Variants in RNGTT observed in about 807,000 individuals in gnomAD.
RNGTT encodes the protein mRNA-capping enzyme.
Under a neutral mutation model 79.3 loss-of-function variants are expected in RNGTT, and 33 were observed. The ratio of observed to expected loss-of-function variants is 0.42; its 90% CI spans 0.32 to 0.56. The LOEUF is 0.56. Ranked by LOEUF, RNGTT falls within the 20% of genes least tolerant of loss-of-function variation. RNGTT has a pLI of 0.17. For missense variants in RNGTT, 497 were observed against 739.1 expected, an observed-to-expected ratio of 0.67 and a Z score of 3.80; for synonymous variants, 222 against 235.9, an observed-to-expected ratio of 0.94 and a Z score of 0.54.
intron 13 of RNGTT, among the ~76,000 whole-genome samples, chr6:88,724,516 T>C (rs999671333): frequency 6.6e-6 from 1 of 152,176 alleles, no homozygotes; most frequent in Non-Finnish European, 1.5e-5. Flanking sequence ...CCAACCTTTT[T>C]GGCACCAGGC....
chr6:88,721,606 C>T (rs1776713740), intron 13 of RNGTT, among the ~76,000 whole-genome samples: 1 of 151,996 alleles, frequency 6.6e-6, no homozygotes, highest in Admixed American at 6.6e-5. Context: ...ACTGAATCCC[C>T]CAAATCTAAA....
intron 6 of RNGTT, among the ~76,000 whole-genome samples, chr6:88,903,274 G>C (rs1003693745): frequency 2.0e-5 from 3 of 152,180 alleles, no homozygotes; most frequent in Non-Finnish European, 4.4e-5. Context: ...AGGAGGTTGA[G>C]GTAGAAGGAT....
At chr6:88,879,543 C>A (rs906933331) in intron 8 of RNGTT, among the ~76,000 whole-genome samples, 1 of 152,154 alleles carries the variant, frequency 6.6e-6, no homozygotes, top group Non-Finnish European at 1.5e-5. Context: ...TATGACCACA[C>A]ATTGAGCACC....
chr6:88,954,321 G>A (rs902773158), intron 1 of RNGTT, among the ~76,000 whole-genome samples: 5 of 152,048 alleles, frequency 3.3e-5, no homozygotes, highest in Non-Finnish European at 4.4e-5. Flanking sequence ...AATCAAAAGC[G>A]GGCAGGAATA....
chr6:88,897,570 C>T (rs777262072), intron 6 of RNGTT, among the ~76,000 whole-genome samples: 1 of 152,180 alleles, frequency 6.6e-6, no homozygotes, highest in Non-Finnish European at 1.5e-5. Flanking sequence ...CTGACTATGT[C>T]TGCATCAATT....
chr6:88,725,116 A>G (rs1263180309), intron 13 of RNGTT, among the ~76,000 whole-genome samples: 2 of 152,242 alleles, frequency 1.3e-5, no homozygotes, highest in Non-Finnish European at 2.9e-5. Context: ...AACTTCACTT[A>G]TAACAATTCC....
At chr6:88,832,604 A>G (rs1280801144) in intron 11 of RNGTT, among the ~76,000 whole-genome samples, 1 of 152,250 alleles carries the variant, frequency 6.6e-6, no homozygotes, top group Non-Finnish European at 1.5e-5. Context: ...TAAACTAAAG[A>G]GCTTGTGCAC....
At chr6:88,675,773 T>A (rs568992360) in intron 14 of RNGTT, among the ~76,000 whole-genome samples, 1 of 150,800 alleles carries the variant, frequency 6.6e-6, no homozygotes, top group South Asian at 2.1e-4. Flanking sequence ...TAAAATTAAA[T>A]CCTGCCCAAG....
rs544203251 is a variant in RNGTT at position 88,930,177 on chromosome 6, T to C, written c.175-910A>G. Among the ~76,000 whole-genome samples the C allele has an allele frequency of 5.4e-5, 8 of 148,204 alleles. No individual in the cohort carries two copies. The East Asian group carries it at 9.8e-4, about 18-fold the overall frequency. On this transcript the variant is annotated intron_variant, in intron 2 of 15. Coordinates refer to ENST00000369485, the MANE Select transcript of RNGTT (RefSeq NM_003800.5). ...ACATACATATATACATATACATATA[T>C]GTATATACATATATACATAAACATA...
At chr6:88,910,522 C>T (rs1191961988) in intron 4 of RNGTT, among the ~76,000 whole-genome samples, 1 of 152,142 alleles carries the variant, frequency 6.6e-6, no homozygotes, top group Non-Finnish European at 1.5e-5. Context: ...AAACCTACAA[C>T]CCACGATATT....
intron 1 of RNGTT, among the ~76,000 whole-genome samples, chr6:88,945,515 G>A (rs1031012172): frequency 3.3e-5 from 5 of 151,992 alleles, no homozygotes; most frequent in Non-Finnish European, 5.9e-5. Context: ...CTAGCTATTC[G>A]TCCTCAACTC....
chr6:88,628,583 A>C (rs1393421610), intron 14 of RNGTT, among the ~76,000 whole-genome samples: 12 of 152,158 alleles, frequency 7.9e-5, no homozygotes, highest in Admixed American at 1.3e-4. Flanking sequence ...TTTACTTTTT[A>C]AATTATTGAC....
At chr6:88,959,671 C>T (rs1785550397) in intron 1 of RNGTT, among the ~76,000 whole-genome samples, 1 of 152,168 alleles carries the variant, frequency 6.6e-6, no homozygotes, top group Non-Finnish European at 1.5e-5. Flanking sequence ...CATTTCCACT[C>T]TTTTCTCCAT....
intron 4 of RNGTT, among the ~76,000 whole-genome samples, chr6:88,916,581 A>G (rs1230153740): frequency 6.6e-6 from 1 of 152,248 alleles, no homozygotes; most frequent in East Asian, 1.9e-4. Flanking sequence ...AGATGCTGGT[A>G]TAAGTCTGTA....
At chr6:88,927,851 A>G (rs1167231048) in intron 4 of RNGTT, among the ~76,000 whole-genome samples, 2 of 151,642 alleles carry the variant, frequency 1.3e-5, no homozygotes, top group Non-Finnish European at 2.9e-5. Context: ...AAAAAAAAGA[A>G]AGAAAAGGAA....
intron 13 of RNGTT, among the ~76,000 whole-genome samples, chr6:88,685,962 A>C (rs1382528494): frequency 1.3e-5 from 2 of 151,722 alleles, no homozygotes; most frequent in Non-Finnish European, 2.9e-5. Flanking sequence ...GGCAAGGAAA[A>C]ACATGATCTA....
At chr6:88,808,086 AC>A (rs1463399336) in intron 11 of RNGTT, among the ~76,000 whole-genome samples, 2 of 152,200 alleles carry the variant, frequency 1.3e-5, no homozygotes, top group African/African-American at 2.4e-5. Context: ...GGAATATGAT[AC>A]AAGAATAAAA....
intron 13 of RNGTT, among the ~76,000 whole-genome samples, chr6:88,746,407 C>T (rs1777659565): frequency 6.6e-6 from 1 of 152,132 alleles, no homozygotes; most frequent in Admixed American, 6.5e-5. Flanking sequence ...AATTATGTAC[C>T]AAATCATCCC....
intron 12 of RNGTT, among the ~76,000 whole-genome samples, chr6:88,788,364 G>A (rs1367168747): frequency 6.6e-6 from 1 of 152,050 alleles, no homozygotes; most frequent in Non-Finnish European, 1.5e-5. Context: ...AAAAGACTAG[G>A]AGGAATCAGG....
Sources: gnomAD v4.1 joint callset for allele counts (sites outside exome capture counted in the v4.1 genomes callset) on GRCh38, gnomAD v4.1.1 for gene constraint, MANE v1.5 for transcripts, NCBI Gene and HGNC (gene_info 2026-07-23, HGNC 2026-07-21) for gene names.